Variants in MSI2 observed in about 807,000 individuals in gnomAD.
MSI2 encodes the protein musashi RNA binding protein 2.
Under a neutral mutation model 45.6 loss-of-function variants are expected in MSI2, and 17 were observed. The observed-to-expected ratio is 0.37, with a 90% CI of 0.26 to 0.56. The LOEUF is 0.56. Ranked by LOEUF, MSI2 falls within the 20% of genes least tolerant of loss-of-function variation. The pLI is 0.77. For synonymous variants in MSI2, 156 were observed against 158.2 expected, an observed-to-expected ratio of 0.99 and a Z score of 0.11; for missense variants, 293 against 444.2, an observed-to-expected ratio of 0.66 and a Z score of 3.06.
intron 5 of MSI2, among the ~76,000 whole-genome samples, chr17:57,272,855 G>C (rs949953060): frequency 2.0e-5 from 3 of 152,196 alleles, no homozygotes; most frequent in Admixed American, 6.5e-5. Flanking sequence ...TAGCCAGATA[G>C]GGCCTGGTGT....
rs1031017976 is a variant in MSI2 at position 57,652,931 on chromosome 17, T to A, written c.790+770T>A. Among the ~76,000 whole-genome samples, 81 of 152,324 alleles carry A rather than the reference T, an allele frequency of 5.3e-4. No individual in the cohort carries two copies. Among genetic ancestry groups the A allele is most frequent in the African/African-American group, 1.9e-3 (81 of 41,578 alleles). ...CCCTCTCCCCAGAATGCTTTCTGCC[T>A]TCCCAGGCAAGCAGGGCTTCTGCTG... On this transcript the variant is annotated intron_variant, in intron 11 of 13. Transcript: ENST00000284073. The surrounding 1 kb of genome is among the most constrained non-coding windows in gnomAD (Gnocchi z 4.1).
intron 6 of MSI2, among the ~76,000 whole-genome samples, chr17:57,514,976 G>A (rs8065272): frequency 0.012 from 1,885 of 152,194 alleles, 41 homozygotes; most frequent in African/African-American, 0.043. Flanking sequence ...AGAGCACCCC[G>A]ACACACCCCA....
intron 6 of MSI2, among the ~76,000 whole-genome samples, chr17:57,445,636 G>A (rs558299501): frequency 2.8e-4 from 42 of 152,206 alleles, no homozygotes; most frequent in African/African-American, 9.9e-4. Flanking sequence ...CTGTAATTAG[G>A]GGAGTTGGTT....
chr17:57,373,999 C>T (rs962950045), intron 5 of MSI2, among the ~76,000 whole-genome samples: 6 of 152,056 alleles, frequency 3.9e-5, no homozygotes, highest in African/African-American at 1.4e-4. Context: ...TGATGGGGAC[C>T]GATTTACCAT....
chr17:57,382,444 C>T (rs1400605162), intron 5 of MSI2, among the ~76,000 whole-genome samples: 6 of 152,030 alleles, frequency 3.9e-5, no homozygotes, highest in African/African-American at 7.3e-5. Context: ...GTCTGAGAAT[C>T]GTGATAGGAG....
At chr17:57,604,429 T>G (rs1398730549) in intron 8 of MSI2, among the ~76,000 whole-genome samples, 2 of 152,100 alleles carry the variant, frequency 1.3e-5, no homozygotes, top group Non-Finnish European at 2.9e-5. Flanking sequence ...TGGGCAGGAC[T>G]GGGTCCCGAG....
At chr17:57,538,599 T>A (rs2086972688) in intron 7 of MSI2, among the ~76,000 whole-genome samples, 1 of 152,162 alleles carries the variant, frequency 6.6e-6, no homozygotes, top group Non-Finnish European at 1.5e-5. Context: ...CGGGGCAGCC[T>A]GGTTTCTTCC....
At chr17:57,383,421 C>A (rs2083631520) in intron 5 of MSI2, among the ~76,000 whole-genome samples, 1 of 152,174 alleles carries the variant, frequency 6.6e-6, no homozygotes, top group Non-Finnish European at 1.5e-5. Context: ...CTTTGGGAGG[C>A]CAAGGCGGGT....
chr17:57,445,041 A>G (rs1413876316), intron 6 of MSI2, among the ~76,000 whole-genome samples: 1 of 152,176 alleles, frequency 6.6e-6, no homozygotes, highest in African/African-American at 2.4e-5. Context: ...AGTAGCTGAT[A>G]TCTGGGCGTT....
At chr17:57,612,712 ACAGT>A (rs1907288824) in intron 8 of MSI2, among the ~76,000 whole-genome samples, 1 of 152,242 alleles carries the variant, frequency 6.6e-6, no homozygotes, top group Non-Finnish European at 1.5e-5. Flanking sequence ...CACTCCCATT[ACAGT>A]CAGTTAACCT....
intron 5 of MSI2, among the ~76,000 whole-genome samples, chr17:57,292,632 A>C (rs576114022): frequency 6.6e-6 from 1 of 152,260 alleles, no homozygotes; most frequent in East Asian, 1.9e-4. Context: ...GACATCTGTG[A>C]CTGAAACCAG....
Position 57,596,997 on chromosome 17 carries a change from C to A in MSI2, c.537+47C>A. The A allele has an allele frequency of 1.5e-6, 2 of 1,355,538 alleles. No homozygotes were observed. Among genetic ancestry groups the A allele is most frequent in the Non-Finnish European group, 2.1e-6 (2 of 945,748 alleles). 84.0% of individuals were successfully genotyped at this position (1,355,538 alleles called of 1,614,324 possible). A position where few individuals can be genotyped will look rare whatever the true frequency, so the allele number is the denominator to read the frequency against. On this transcript the variant is annotated intron_variant, in intron 8 of 13. Transcript: ENST00000284073. The surrounding 1 kb of genome is among the most constrained non-coding windows in gnomAD (Gnocchi z 4.6). ...TGAAATGGAATGCCCCCTTTCTCTA[C>A]GTACACACCCAGTCTTGCAGACTGG...
At chr17:57,691,166 A>ATC in the MSI2 span, among the ~76,000 whole-genome samples, 13 of 134,104 alleles carry the variant, frequency 9.7e-5, no homozygotes, top group African/African-American at 2.1e-4. Context: ...CCACTAATCA[A>ATC]TCTCTCTCTC....
intron 10 of MSI2, among the ~76,000 whole-genome samples, chr17:57,648,813 C>G (rs1910894654): frequency 6.6e-6 from 1 of 152,210 alleles, no homozygotes; most frequent in Admixed American, 6.5e-5. Context: ...CTTGATAACC[C>G]AGCCCCTGCT....
chr17:57,268,822 G>A (rs773264063), intron 5 of MSI2, among the ~76,000 whole-genome samples: 8 of 151,946 alleles, frequency 5.3e-5, no homozygotes, highest in Non-Finnish European at 8.8e-5. Context: ...GTAACAGAGC[G>A]AGACTCCATC....
intron 10 of MSI2, among the ~76,000 whole-genome samples, chr17:57,636,330 T>C (rs527966057): frequency 5.3e-5 from 8 of 152,298 alleles, no homozygotes; most frequent in South Asian, 2.1e-4. Context: ...TGTCTGGTCA[T>C]TGACATTTTG....
At chr17:57,327,587 A>G (rs1913907321) in intron 5 of MSI2, among the ~76,000 whole-genome samples, 1 of 152,218 alleles carries the variant, frequency 6.6e-6, no homozygotes, top group Non-Finnish European at 1.5e-5. Flanking sequence ...ATCAAGGGAT[A>G]ATGTGGTGTG....
At chr17:57,533,892 C>T (rs1449901242) in intron 7 of MSI2, among the ~76,000 whole-genome samples, 4 of 152,190 alleles carry the variant, frequency 2.6e-5, no homozygotes, top group Non-Finnish European at 4.4e-5. Flanking sequence ...GACTATCTTC[C>T]AGCAGCACTC....
In MSI2 at chr17:57,676,980, A is replaced by C. The variant is rs774429579; in HGVS notation, c.946-7A>C. ...CACTGATGACCTTAACAATTGTGCA[A>C]TTTTAGGGACCTTTGATTGCAACGG... is the stretch of plus-strand genomic sequence containing the variant. On this transcript the variant is annotated splice_region_variant and splice_polypyrimidine_tract_variant and intron_variant, in intron 12 of 13. Coordinates refer to ENST00000284073, the MANE Select transcript of MSI2 (RefSeq NM_138962.4). 3.7e-6 allele frequency: 6 copies of C among 1,606,320 alleles called. No individual in the cohort carries two copies. The highest frequency in any genetic ancestry group is 1.7e-5 in the Admixed American group (1 of 60,020).
Sources: gnomAD v4.1 joint callset for allele counts (sites outside exome capture counted in the v4.1 genomes callset) on GRCh38, gnomAD v4.1.1 for gene constraint, Gnocchi (gnomAD v3.1) non-coding constraint, MANE v1.5 for transcripts, NCBI Gene and HGNC (gene_info 2026-07-23, HGNC 2026-07-21) for gene names.